DPH6: variants seen among roughly 807,000 people sequenced by gnomAD.
DPH6 encodes the protein diphthine--ammonia ligase.
A neutral mutation model predicts 38.2 loss-of-function variants in DPH6; 33 were observed. The observed-to-expected ratio is 0.86, with a 90% confidence interval of 0.65 to 1.15. DPH6 has a LOEUF of 1.15. Among genes scored for constraint, DPH6 ranks in the 50% most tolerant of loss-of-function variants. The pLI is 0.00. For missense variants in DPH6, 325 were observed against 320.0 expected, an observed-to-expected ratio of 1.02 and a Z score of -0.12; for synonymous variants, 108 against 103.0, an observed-to-expected ratio of 1.05 and a Z score of -0.30.
rs1269301965 is a variant in DPH6 at position 35,397,866 on chromosome 15, TATACACACACACAC to T, written c.567+12955_567+12968del. On this transcript the variant is annotated intron_variant, in intron 6 of 8. Transcript: ENST00000256538. ...AAAATAGATGGAATCAATTTATATATATACACACACACACACACACACACACACACACACACACA... is the reference window on the plus strand; with the variant it reads ...AAAATAGATGGAATCAATTTATATATACACACACACACACACACACACACA... 2.6e-4 allele frequency among the ~76,000 whole-genome samples: 23 copies of T among 88,826 alleles called. 1 individual carries two copies. Among genetic ancestry groups the T allele is most frequent in the African/African-American group, 1.1e-3 (23 of 21,436 alleles). 58.3% of individuals were successfully genotyped at this position (88,826 alleles called of 152,430 possible).
At chr15:35,537,931 T>G (rs1441269752) in intron 3 of DPH6, among the ~76,000 whole-genome samples, 1 of 152,164 alleles carries the variant, frequency 6.6e-6, no homozygotes, top group South Asian at 2.1e-4. Flanking sequence ...TCTAGCACTA[T>G]ATGCCAGGCA....
intron 6 of DPH6, chr15:35,401,830 C>T (rs2053224129): frequency 3.7e-6 from 2 of 539,018 alleles, no homozygotes; most frequent in Non-Finnish European, 7.0e-6. Flanking sequence ...AGCGAAACTA[C>T]AGGTTATAAC....
intron 3 of DPH6, among the ~76,000 whole-genome samples, chr15:35,492,820 C>T (rs2054502585): frequency 6.6e-6 from 1 of 152,034 alleles, no homozygotes; most frequent in Non-Finnish European, 1.5e-5. Context: ...CCATATGGCA[C>T]CAGGGTCAGA....
At chr15:35,461,338 G>A (rs551195911) in intron 3 of DPH6, among the ~76,000 whole-genome samples, 53 of 152,292 alleles carry the variant, frequency 3.5e-4, no homozygotes, top group African/African-American at 1.3e-3. Context: ...CTCCCAAAGT[G>A]CTGGGATTAC....
chr15:35,282,232 T>G (rs982096982), intron 3 of DPH6, among the ~76,000 whole-genome samples: 3 of 152,176 alleles, frequency 2.0e-5, no homozygotes, highest in African/African-American at 7.2e-5. Context: ...AGTGCAGCAG[T>G]GCAATCATAG....
intron 3 of DPH6, among the ~76,000 whole-genome samples, chr15:35,266,114 A>G (rs2051782638): frequency 1.3e-5 from 2 of 152,344 alleles, no homozygotes; most frequent in Admixed American, 1.3e-4. Flanking sequence ...CTAAGAAGTA[A>G]TCAGAAGGGA....
chr15:35,518,253 T>C (rs1189245604), intron 3 of DPH6, among the ~76,000 whole-genome samples: 4 of 152,044 alleles, frequency 2.6e-5, no homozygotes, highest in Admixed American at 6.6e-5. Context: ...TTTTAAACTC[T>C]GTTGCTTTGA....
downstream of DPH6, among the ~76,000 whole-genome samples, chr15:35,326,638 A>G (rs368565032): frequency 1.4e-4 from 22 of 152,100 alleles, 4 homozygotes; most frequent in East Asian, 7.7e-4. Flanking sequence ...GTCTTGCTAT[A>G]TTGCCCAGGC....
intron 3 of DPH6, among the ~76,000 whole-genome samples, chr15:35,337,240 G>A (rs1274884200): frequency 6.6e-6 from 1 of 152,182 alleles, no homozygotes; most frequent in African/African-American, 2.4e-5. Flanking sequence ...GCATAGAGGT[G>A]TTTGTAGTAT....
At chr15:35,435,224 G>C (rs1484950826) in intron 5 of DPH6, among the ~76,000 whole-genome samples, 1 of 152,182 alleles carries the variant, frequency 6.6e-6, no homozygotes, top group Non-Finnish European at 1.5e-5. Context: ...TTAGTCTAAA[G>C]CTGCCTCCTT....
At chr15:35,284,502 G>A (rs1389634211) in intron 3 of DPH6, among the ~76,000 whole-genome samples, 2 of 151,086 alleles carry the variant, frequency 1.3e-5, no homozygotes, top group Non-Finnish European at 3.0e-5. Flanking sequence ...AAAGAAAAAA[G>A]TGAGAGCACT....
At chr15:35,344,465 C>G (rs1342955796) in intron 3 of DPH6, among the ~76,000 whole-genome samples, 1 of 151,882 alleles carries the variant, frequency 6.6e-6, no homozygotes, top group Non-Finnish European at 1.5e-5. Flanking sequence ...AGGAAAGACT[C>G]AATTACCATC....
At chr15:35,192,816 C>T in the DPH6 span, among the ~76,000 whole-genome samples, 4 of 152,240 alleles carry the variant, frequency 2.6e-5, no homozygotes, top group South Asian at 8.3e-4. Flanking sequence ...TTTATTTCTA[C>T]TACATTTATT....
At chr15:35,347,494 A>G (rs2052473304) in intron 3 of DPH6, among the ~76,000 whole-genome samples, 1 of 145,804 alleles carries the variant, frequency 6.9e-6, no homozygotes, top group Non-Finnish European at 1.5e-5. Flanking sequence ...ATAACACTCC[A>G]CTGTATGGAT....
chr15:35,456,557 A>G (rs975672084), intron 3 of DPH6, among the ~76,000 whole-genome samples: 1 of 151,280 alleles, frequency 6.6e-6, no homozygotes, highest in Admixed American at 6.6e-5. Flanking sequence ...GCACGATCTC[A>G]GCTCACTGCA....
At chr15:35,276,518 T>C (rs1250019121) in intron 3 of DPH6, among the ~76,000 whole-genome samples, 1 of 152,256 alleles carries the variant, frequency 6.6e-6, no homozygotes, top group South Asian at 2.1e-4. Flanking sequence ...TAAGCCAATG[T>C]CTAGAAGGGT....
At chr15:35,540,595 C>T (rs1202585280) in intron 2 of DPH6, among the ~76,000 whole-genome samples, 1 of 152,100 alleles carries the variant, frequency 6.6e-6, no homozygotes, top group South Asian at 2.1e-4. Context: ...ACTATTGTTT[C>T]GACTGCCTTT....
intron 3 of DPH6, among the ~76,000 whole-genome samples, chr15:35,509,629 G>C (rs528240068): frequency 2.6e-5 from 4 of 152,110 alleles, no homozygotes; most frequent in African/African-American, 9.7e-5. Context: ...TGTATTTATT[G>C]AAAGTACACA....
chr15:35,214,008 A>G (rs538370431), downstream of DPH6, among the ~76,000 whole-genome samples: 15 of 151,822 alleles, frequency 9.9e-5, no homozygotes, highest in East Asian at 2.9e-3. Flanking sequence ...GCTACTCGCG[A>G]GGCTGAGGCA....
Sources: allele counts gnomAD v4.1 joint callset (sites outside exome capture counted in the v4.1 genomes callset), GRCh38; gene constraint gnomAD v4.1.1; transcripts MANE v1.5; gene names NCBI Gene and HGNC (gene_info 2026-07-23, HGNC 2026-07-21).